SERPINB4: variants seen among roughly 807,000 people sequenced by gnomAD.
SERPINB4 encodes serpin family B member 4.
SERPINB4 carries 39 observed loss-of-function variants against 33.2 expected under a neutral mutation model. The ratio of observed to expected loss-of-function variants is 1.18; its 90% CI spans 0.91 to 1.53. SERPINB4 has a LOEUF of 1.53. Ranked by LOEUF, SERPINB4 falls within the 40% of genes most tolerant of loss-of-function variation. The pLI, the probability that SERPINB4 is intolerant of heterozygous loss-of-function variation, is 0.00. For missense variants in SERPINB4, 564 were observed against 455.4 expected, an observed-to-expected ratio of 1.24 and a Z score of -2.17; for synonymous variants, 191 against 166.4, an observed-to-expected ratio of 1.15 and a Z score of -1.14.
At chr18:63,640,831 A>G (rs1273684147) in intron 5 of SERPINB4, 43 bp downstream of exon 5, 1 of 1,535,784 alleles carries the variant, frequency 6.5e-7, no homozygotes, top group African/African-American at 1.4e-5. Flanking sequence ...GCTCACTGGC[A>G]TAGGTTTCTC....
Position 63,639,051 on chromosome 18 carries a change from G to C in SERPINB4, c.768+134C>G, listed in dbSNP as rs986068677. On this transcript the variant is annotated intron_variant, in intron 7 of 7. Coordinates refer to ENST00000341074, the MANE Select transcript of SERPINB4 (RefSeq NM_002974.4). ...GCTCAAATATTTGTAATATGAAGGTGAGTCATCATTCCTCATTTAGAATTT... is the reference window on the plus strand; with the variant it reads ...GCTCAAATATTTGTAATATGAAGGTCAGTCATCATTCCTCATTTAGAATTT... 4 of 1,009,728 alleles carry C rather than the reference G, an allele frequency of 4.0e-6. No homozygotes were observed. The African/African-American group carries it at 6.4e-5, about 16-fold the overall frequency. The allele number at this position is 1,009,728 out of a possible 1,614,324, so 62.5% of individuals were successfully genotyped here.
At chr18:63,643,686 A>G in intron 1 of SERPINB4, 83 bp from the exon 2 acceptor site, 3 of 1,441,804 alleles carry the variant, frequency 2.1e-6, no homozygotes, top group Non-Finnish European at 2.8e-6. Context: ...AAGAAATGAT[A>G]TATCTGGGTT....
At position 63,638,211 on chromosome 18, in the gene SERPINB4, A is replaced by C. The variant is rs555030347; in HGVS notation, c.769-88T>G. On this transcript the variant is annotated intron_variant, in intron 7 of 7. Coordinates refer to ENST00000341074, the MANE Select transcript of SERPINB4 (RefSeq NM_002974.4). ...TGAATTGACTATGTGGAGATTCGTT[A>C]TTTTGGCAATAAATGTGAAATACAG... is the stretch of plus-strand genomic sequence containing the variant. 2.4e-5 allele frequency: 35 copies of C among 1,440,534 alleles called. No individual in the cohort carries two copies. The African/African-American group carries it at 4.6e-4, about 19-fold the overall frequency. 89.2% of individuals were successfully genotyped at this position (1,440,534 alleles called of 1,614,324 possible).
chr18:63,642,566 AC>A (rs1164922676), intron 3 of SERPINB4, among the ~76,000 whole-genome samples: 1 of 152,104 alleles, frequency 6.6e-6, no homozygotes, highest in Non-Finnish European at 1.5e-5. Flanking sequence ...AGAACTTTCT[AC>A]CTTCCAGCAA....
rs1204190466 is a variant in SERPINB4 at position 63,640,935 on chromosome 18, A to C, written c.408T>G (p.Phe136Leu). Residue 136 changes from phenylalanine to leucine, a missense_variant, in exon 5 of 8, where the codon TTT becomes TTG. Transcript: ENST00000341074. The stretch of plus-strand genomic sequence containing the variant: ...TTCGACTTTCTTCTGGAGCATTTGC[A>C]AAATCAGTAGATTCCACACTGGTCT... ...FYQTSVESTD[F>L]ANAPEESRKK... 1 of 1,612,998 alleles carries C rather than the reference A, an allele frequency of 6.2e-7. No homozygotes were observed. The highest frequency in any genetic ancestry group is 8.5e-7 in the Non-Finnish European group (1 of 1,179,320).
Position 63,641,895 on chromosome 18 carries a change from A to G in SERPINB4, c.223-7T>C. ...CATTTCCTGACCTATCAACCTTCAA[A>G]CATCAAAAAGGGAGATCATTCAATT... is the stretch of plus-strand genomic sequence containing the variant. On this transcript the variant is annotated splice_region_variant and splice_polypyrimidine_tract_variant and intron_variant, in intron 3 of 7. Transcript: ENST00000341074. The G allele has an allele frequency of 1.2e-6, 2 of 1,612,824 alleles. No homozygotes were observed. The highest frequency in any genetic ancestry group is 1.1e-5 in the South Asian group (1 of 91,040).
chr18:63,639,374 G>T, intron 6 of SERPINB4, 34 bp from the exon 7 acceptor site: 1 of 1,567,762 alleles, frequency 6.4e-7, no homozygotes, highest in Non-Finnish European at 8.7e-7. Flanking sequence ...CAAATAACAC[G>T]TGAAACACAA....
chr18:63,641,588 G>A (rs1175723417), intron 4 of SERPINB4, among the ~76,000 whole-genome samples, 172 bp downstream of exon 4: 2 of 152,086 alleles, frequency 1.3e-5, no homozygotes, highest in Admixed American at 1.3e-4. Context: ...GTATCGTTGG[G>A]GTCTGGGACA....
chr18:63,638,852 C>T (rs931923288), intron 7 of SERPINB4, among the ~76,000 whole-genome samples: 2 of 149,436 alleles, frequency 1.3e-5, no homozygotes, highest in Non-Finnish European at 3.0e-5. Flanking sequence ...AGGAGATATA[C>T]CTAACGCTAA....
intron 6 of SERPINB4, 118 bp from the exon 7 acceptor site, chr18:63,639,458 GT>G: frequency 8.9e-7 from 1 of 1,129,108 alleles, no homozygotes; most frequent in Non-Finnish European, 1.2e-6. Context: ...AATTCCATGA[GT>G]TAGAAACAAT....
At chr18:63,638,521 A>G (rs1913015726) in intron 7 of SERPINB4, among the ~76,000 whole-genome samples, 2 of 151,884 alleles carry the variant, frequency 1.3e-5, no homozygotes, top group Admixed American at 1.3e-4. Context: ...ATTTTTCTGT[A>G]TACATTATTT....
chr18:63,639,323 T>C lies in SERPINB4; in HGVS notation c.630A>G (p.Val210=), dbSNP rs1167302877. ...AGGAATTGTATTGCCTCATCATCTG[T>C]ACAGATTTGTATGTATTCTGCAATA... ...FWPNKNTYKS[V]QMMRQYNSFN... is the part of the protein sequence containing the mutation. Residue 210 remains valine, a synonymous_variant, in exon 7 of 8, where the codon GTA becomes GTG. Transcript: ENST00000341074. 11 of 1,609,288 alleles carry C rather than the reference T, an allele frequency of 6.8e-6. No homozygotes were observed. Among genetic ancestry groups the C allele is most frequent in the African/African-American group, 1.3e-5 (1 of 74,800 alleles).
chr18:63,643,742 A>T (rs1355852656), intron 1 of SERPINB4, 139 bp from the exon 2 acceptor site: 13 of 930,808 alleles, frequency 1.4e-5, no homozygotes, highest in Non-Finnish European at 2.1e-5. Flanking sequence ...TTAACGCTTC[A>T]ATCTTTCTAC....
chr18:63,640,089 A>C (rs999899368), intron 5 of SERPINB4, among the ~76,000 whole-genome samples: 5 of 151,246 alleles, frequency 3.3e-5, no homozygotes, highest in South Asian at 2.1e-4. Flanking sequence ...GATTTTGTCT[A>C]CTCTTCCAAC....
chr18:63,638,178 C>G (rs1410216311), intron 7 of SERPINB4, 55 bp from the exon 8 acceptor site: 19 of 1,548,022 alleles, frequency 1.2e-5, no homozygotes, highest in Non-Finnish European at 1.7e-5. Flanking sequence ...TCTAATACAC[C>G]TTAACAATGA....
intron 4 of SERPINB4, 76 bp from the exon 5 acceptor site, chr18:63,641,067 A>G (rs1242426292): frequency 1.6e-6 from 2 of 1,240,232 alleles, no homozygotes; most frequent in Non-Finnish European, 2.3e-6. Flanking sequence ...ACTTATTTGT[A>G]ACAACAGTAA....
chr18:63,639,124 C>T, intron 7 of SERPINB4, 61 bp downstream of exon 7: 1 of 1,515,368 alleles, frequency 6.6e-7, no homozygotes, highest in Non-Finnish European at 8.9e-7. Context: ...CTTGTTTAAA[C>T]TTGGTATCTT....
rs200851651 is a variant in SERPINB4 at position 63,640,875 on chromosome 18, A to G, written c.468T>C (p.Asn156=). The change falls in exon 5 of 8, where the codon AAT becomes AAC. Residue 156 remains asparagine (N), a splice_region_variant and synonymous_variant. Coordinates refer to ENST00000341074, the MANE Select transcript of SERPINB4 (RefSeq NM_002974.4). ...KINSWVESQT[N]EKIKNLFPDG... ...TTCTATAATGGGTGGCTCTCCTACC[A>G]TTCGTTTGACTTTCCACCCAGGAGT... is the stretch of plus-strand genomic sequence containing the variant. 1.2e-6 allele frequency: 2 copies of G among 1,611,516 alleles called. No homozygotes were observed. The highest frequency in any genetic ancestry group is 1.7e-5 in the Admixed American group (1 of 59,826).
Position 63,643,401 on chromosome 18 carries a change from GC to G in SERPINB4, c.165+11del, listed in dbSNP as rs1913203803. 1 of 1,613,490 alleles carries G rather than the reference GC, an allele frequency of 6.2e-7. No individual in the cohort carries two copies. The highest frequency in any genetic ancestry group is 1.1e-5 in the South Asian group (1 of 91,058). ...AACTGCAACAGGACAACGTAATGAT[GC>G]TGATAGCTACCTTGCTAATTTGTTG... On this transcript the variant is annotated intron_variant, in intron 2 of 7. Coordinates refer to ENST00000341074, the MANE Select transcript of SERPINB4 (RefSeq NM_002974.4).
Sources: gnomAD v4.1 joint callset for allele counts (sites outside exome capture counted in the v4.1 genomes callset) on GRCh38, gnomAD v4.1.1 for gene constraint, MANE v1.5 for transcripts, NCBI Gene and HGNC (gene_info 2026-07-23, HGNC 2026-07-21) for gene names.